Variants in BRWD1 observed in about 807,000 individuals in gnomAD.
BRWD1 encodes the protein bromodomain and WD repeat domain containing 1.
Under a neutral mutation model 251.2 loss-of-function variants are expected in BRWD1, and 82 were observed. That is an observed-to-expected ratio of 0.33 (90% CI 0.27 to 0.39). The LOEUF is 0.39. BRWD1 is among the 10% of genes least tolerant of loss of function. The probability of loss-of-function intolerance (pLI) is 1.00; values close to 1 mark genes in which losing one functional copy is unlikely to be tolerated. For synonymous variants in BRWD1, 918 were observed against 902.8 expected (o/e 1.02, Z -0.30); for missense variants, 2,233 against 2,711.6 (o/e 0.82, Z 3.92).
intron 34 of BRWD1, 60 bp from the exon 35 acceptor site, chr21:39,210,989 A>AG: frequency 6.7e-7 from 1 of 1,483,740 alleles, no homozygotes; most frequent in Non-Finnish European, 9.1e-7. Flanking sequence ...CTGTGGTAAA[A>AG]ATGTAACTGA....
At chr21:39,310,012 T>C (rs1403825238) in intron 4 of BRWD1, among the ~76,000 whole-genome samples, 1 of 152,188 alleles carries the variant, frequency 6.6e-6, no homozygotes, top group Non-Finnish European at 1.5e-5. Context: ...ACCAGTGAAA[T>C]GAATGGCTTT....
chr21:39,214,573 A>T (rs1173263917), intron 32 of BRWD1, among the ~76,000 whole-genome samples: 2 of 152,268 alleles, frequency 1.3e-5, no homozygotes, highest in African/African-American at 4.8e-5. Flanking sequence ...AAAGGGTGTA[A>T]AAACTAGTGA....
intron 19 of BRWD1, among the ~76,000 whole-genome samples, chr21:39,254,371 T>C (rs1052107281): frequency 1.5e-4 from 23 of 152,186 alleles, no homozygotes; most frequent in Admixed American, 6.5e-5. Flanking sequence ...CCCTGTCTCA[T>C]AGTAAGGATG....
At chr21:39,282,313 T>C (rs1435808612) in intron 8 of BRWD1, among the ~76,000 whole-genome samples, 3 of 152,014 alleles carry the variant, frequency 2.0e-5, no homozygotes, top group South Asian at 2.1e-4. Flanking sequence ...GAAAGACTAA[T>C]AGTGCCATTA....
chr21:39,290,470 A>T (rs1264754021), intron 8 of BRWD1, among the ~76,000 whole-genome samples: 1 of 150,956 alleles, frequency 6.6e-6, no homozygotes, highest in East Asian at 1.9e-4. Context: ...CAGCCTGGGC[A>T]ACAGAGCAAG....
At chr21:39,310,613 A>AAATAT (rs973773971) in intron 4 of BRWD1, among the ~76,000 whole-genome samples, 2 of 151,744 alleles carry the variant, frequency 1.3e-5, no homozygotes, top group Non-Finnish European at 2.9e-5. Context: ...CAAAAAAAAA[A>AAATAT]ATTATTATTA....
chr21:39,260,934 T>C (rs1468766793), intron 17 of BRWD1, among the ~76,000 whole-genome samples: 1 of 152,190 alleles, frequency 6.6e-6, no homozygotes, highest in Non-Finnish European at 1.5e-5. Context: ...TAAATACTGA[T>C]ACGTGGCCGG....
intron 8 of BRWD1, among the ~76,000 whole-genome samples, chr21:39,286,970 A>G (rs1271402991): frequency 6.6e-6 from 1 of 152,170 alleles, no homozygotes; most frequent in Non-Finnish European, 1.5e-5. Context: ...AGATTCACCA[A>G]TGGTTAATAG....
chr21:39,247,976 AG>A (rs2034255666), intron 20 of BRWD1, 144 bp from the exon 21 acceptor site: 1 of 975,006 alleles, frequency 1.0e-6, no homozygotes, highest in Admixed American at 3.7e-5. Flanking sequence ...TTTGCCATAC[AG>A]TTTTAACTCA....
At chr21:39,227,690 C>T (rs2033436611) in intron 27 of BRWD1, among the ~76,000 whole-genome samples, 1 of 152,046 alleles carries the variant, frequency 6.6e-6, no homozygotes, top group African/African-American at 2.4e-5. Flanking sequence ...TATTTCTTAA[C>T]AAAACAGTGT....
At chr21:39,244,091 T>C (rs2034096102) in intron 21 of BRWD1, among the ~76,000 whole-genome samples, 1 of 152,044 alleles carries the variant, frequency 6.6e-6, no homozygotes, top group Non-Finnish European at 1.5e-5. Flanking sequence ...TTTTCTTTTT[T>C]TGAGATCTGT....
intron 13 of BRWD1, among the ~76,000 whole-genome samples, chr21:39,273,054 C>T (rs894816514): frequency 6.6e-6 from 1 of 152,156 alleles, no homozygotes; most frequent in African/African-American, 2.4e-5. Flanking sequence ...AGCAAGAAAA[C>T]TTAAAATGAG....
At chr21:39,239,771 G>A (rs189503982) in intron 21 of BRWD1, among the ~76,000 whole-genome samples, 8 of 152,330 alleles carry the variant, frequency 5.3e-5, no homozygotes, top group African/African-American at 1.9e-4. Context: ...CAAGGGTGTG[G>A]ATCAGCAGGA....
At chr21:39,223,998 G>A (rs889715787) in intron 29 of BRWD1, among the ~76,000 whole-genome samples, 4 of 152,084 alleles carry the variant, frequency 2.6e-5, no homozygotes, top group Admixed American at 6.5e-5. Flanking sequence ...ACAGGCACAC[G>A]CCACCATGCC....
chr21:39,290,382 G>A (rs957906805), intron 8 of BRWD1, among the ~76,000 whole-genome samples: 16 of 151,878 alleles, frequency 1.1e-4, no homozygotes, highest in African/African-American at 3.1e-4. Context: ...CCAGCTACTC[G>A]GGAGGCTGAG....
chr21:39,185,833 C>T lies in BRWD1; in HGVS notation c.*10426G>A, dbSNP rs1216010293. 1 of 152,164 alleles carries T rather than the reference C, an allele frequency of 6.6e-6. No individual in the cohort carries two copies. Among genetic ancestry groups the T allele is most frequent in the Non-Finnish European group, 1.5e-5 (1 of 68,000 alleles). 9.4% of individuals were successfully genotyped at this position (152,164 alleles called of 1,614,324 possible). On this transcript the variant is annotated 3_prime_UTR_variant, in exon 41 of 41. Transcript: ENST00000342449. Reference sequence around the variant, plus strand: ...TATTTTTAAATGGGAAAACAACTTACTTTCAACAACTTAATTTTTCCAGTA... The same window carrying T: ...TATTTTTAAATGGGAAAACAACTTATTTTCAACAACTTAATTTTTCCAGTA...
chr21:39,194,956 A>G lies in BRWD1; in HGVS notation c.*1303T>C. The G allele has an allele frequency of 6.9e-7, 1 of 1,454,274 alleles. No homozygotes were observed. Among genetic ancestry groups the G allele is most frequent in the South Asian group, 1.4e-5 (1 of 69,466 alleles). 90.1% of individuals were successfully genotyped at this position (1,454,274 alleles called of 1,614,324 possible). A position where few individuals can be genotyped will look rare whatever the true frequency, so the allele number is the denominator to read the frequency against. On this transcript the variant is annotated 3_prime_UTR_variant, in exon 41 of 41. Coordinates refer to ENST00000342449, the MANE Select transcript of BRWD1 (RefSeq NM_033656.4). ...ACCCACTAAATATGTAAACCATTTG[A>G]ATCAAGTCCATCTTCAGGCACAAAC... is the stretch of plus-strand genomic sequence containing the variant.
chr21:39,201,054 T>TA (rs1490816823), intron 38 of BRWD1, among the ~76,000 whole-genome samples: 4 of 152,210 alleles, frequency 2.6e-5, no homozygotes, highest in Non-Finnish European at 2.9e-5. Flanking sequence ...GTATTTCATA[T>TA]AAAAAAGACA....
chr21:39,285,311 G>C lies in BRWD1; in HGVS notation c.832-5063C>G, dbSNP rs149979471. ...AGAGAATAGAACAGTGGTTACCTAT[G>C]GCTGGGGAGTATGGGGGAAGGGGGG... On this transcript the variant is annotated intron_variant, in intron 8 of 40. Transcript: ENST00000342449. 7.9e-5 allele frequency among the ~76,000 whole-genome samples: 12 copies of C among 152,292 alleles called. 1 individual carries two copies. Among genetic ancestry groups the C allele is most frequent in the African/African-American group, 2.9e-4 (12 of 41,544 alleles).
Sources: gnomAD v4.1 joint callset for allele counts (sites outside exome capture counted in the v4.1 genomes callset) on GRCh38, gnomAD v4.1.1 for gene constraint, MANE v1.5 for transcripts, NCBI Gene and HGNC (gene_info 2026-07-23, HGNC 2026-07-21) for gene names.